The following PDE8B variants were observed in gnomAD, a reference collection of about 807,000 sequenced individuals.
PDE8B encodes high affinity cAMP-specific and IBMX-insensitive 3',5'-cyclic phosphodiesterase 8B.
Under a neutral mutation model 101.3 loss-of-function variants are expected in PDE8B, and 26 were observed. The ratio of observed to expected loss-of-function variants is 0.26; its 90% CI spans 0.19 to 0.36. The LOEUF is 0.36. Ranked by LOEUF, PDE8B falls within the 10% of genes least tolerant of loss-of-function variation. PDE8B has a pLI of 1.00. For missense variants in PDE8B, 810 were observed against 1,163.1 expected (o/e 0.70, Z 4.42); for synonymous variants, 424 against 429.3 (o/e 0.99, Z 0.15).
At chr5:77,399,348 C>T (rs1791746444) in intron 10 of PDE8B, among the ~76,000 whole-genome samples, 1 of 152,216 alleles carries the variant, frequency 6.6e-6, no homozygotes, top group African/African-American at 2.4e-5. Flanking sequence ...CCTCCGCAGA[C>T]AGGGTTTCTG....
At chr5:77,160,357 G>A in the PDE8B span, among the ~76,000 whole-genome samples, 2,601 of 152,210 alleles carry the variant, frequency 0.017, 26 homozygotes, top group Middle Eastern at 0.031. Context: ...TCCCACAGTC[G>A]ACCCTGCAGA....
intron 1 of PDE8B, among the ~76,000 whole-genome samples, chr5:77,248,650 T>TG (rs751667619): frequency 2.0e-5 from 3 of 152,200 alleles, no homozygotes; most frequent in Non-Finnish European, 4.4e-5. Flanking sequence ...GGCTTGTCTC[T>TG]GGGGAAAGAA....
intron 10 of PDE8B, among the ~76,000 whole-genome samples, chr5:77,377,899 G>C (rs550598438): frequency 1.2e-4 from 19 of 152,038 alleles, no homozygotes; most frequent in Non-Finnish European, 2.2e-4. Context: ...TGCCTTCCCT[G>C]GTTCTCAGAC....
At chr5:77,380,302 A>T (rs1561617655) in intron 10 of PDE8B, among the ~76,000 whole-genome samples, 1 of 152,240 alleles carries the variant, frequency 6.6e-6, no homozygotes, top group African/African-American at 2.4e-5. Flanking sequence ...TTTTAAAATA[A>T]CATCTACCAT....
At chr5:77,194,364 G>T in the PDE8B span, among the ~76,000 whole-genome samples, 1 of 152,132 alleles carries the variant, frequency 6.6e-6, no homozygotes, top group Non-Finnish European at 1.5e-5. Flanking sequence ...TACACCTATC[G>T]AAATGATGTT....
At chr5:77,203,012 T>C in the PDE8B span, among the ~76,000 whole-genome samples, 1 of 152,182 alleles carries the variant, frequency 6.6e-6, no homozygotes, top group South Asian at 2.1e-4. Flanking sequence ...AAAGTTACAG[T>C]CTTATTGAAA....
the PDE8B span, among the ~76,000 whole-genome samples, chr5:77,174,532 T>C: frequency 4.8e-3 from 735 of 152,342 alleles, 2 homozygotes; most frequent in Middle Eastern, 0.01. Flanking sequence ...TTATTTATAC[T>C]GTACACATCT....
At chr5:77,378,049 C>CACACA (rs1554093056) in intron 10 of PDE8B, among the ~76,000 whole-genome samples, 8 of 148,360 alleles carry the variant, frequency 5.4e-5, no homozygotes, top group South Asian at 2.2e-4. Context: ...CACACACACA[C>CACACA]CCCCTGTTGG....
chr5:77,364,273 C>A (rs1463612523), intron 10 of PDE8B, among the ~76,000 whole-genome samples: 1 of 152,182 alleles, frequency 6.6e-6, no homozygotes, highest in African/African-American at 2.4e-5. Flanking sequence ...AGGTATGCAG[C>A]CAACTGCACC....
chr5:77,090,232 G>T, the PDE8B span, among the ~76,000 whole-genome samples: 1 of 152,124 alleles, frequency 6.6e-6, no homozygotes, highest in African/African-American at 2.4e-5. Context: ...CCAAAGAGAA[G>T]ATTTTTTTCT....
chr5:77,365,122 TGAG>T (rs1369539775), intron 10 of PDE8B, among the ~76,000 whole-genome samples: 2 of 152,034 alleles, frequency 1.3e-5, no homozygotes, highest in African/African-American at 2.4e-5. Context: ...CTGTGTTCGA[TGAG>T]GAGGAGTGTG....
chr5:77,158,186 T>C, the PDE8B span, among the ~76,000 whole-genome samples: 1 of 152,168 alleles, frequency 6.6e-6, no homozygotes, highest in Non-Finnish European at 1.5e-5. Context: ...GATTGCCTGG[T>C]ACTGGGTGCT....
chr5:77,250,098 A>G (rs1180491430), intron 1 of PDE8B, among the ~76,000 whole-genome samples: 1 of 152,236 alleles, frequency 6.6e-6, no homozygotes, highest in Non-Finnish European at 1.5e-5. Context: ...CTTCTTTCTC[A>G]TCAAACTGGG....
At chr5:77,342,945 A>G (rs1337910821) in intron 6 of PDE8B, among the ~76,000 whole-genome samples, 1 of 152,212 alleles carries the variant, frequency 6.6e-6, no homozygotes, top group African/African-American at 2.4e-5. Flanking sequence ...AATACCTCAC[A>G]TCCAATTTGG....
intron 10 of PDE8B, among the ~76,000 whole-genome samples, chr5:77,379,829 G>A (rs138125845): frequency 3.1e-4 from 47 of 152,276 alleles, no homozygotes; most frequent in African/African-American, 1.0e-3. Flanking sequence ...GATCAAAGAC[G>A]TTCTGTACTA....
At chr5:77,254,865 C>T (rs1030831850) in intron 1 of PDE8B, among the ~76,000 whole-genome samples, 50 of 152,290 alleles carry the variant, frequency 3.3e-4, no homozygotes, top group African/African-American at 1.2e-3. Context: ...TGTGTATGCT[C>T]TCTGTAGCCT....
the PDE8B span, among the ~76,000 whole-genome samples, chr5:77,153,643 C>T: frequency 1.4e-5 from 2 of 147,004 alleles, no homozygotes; most frequent in Admixed American, 6.9e-5. Context: ...GGTATGATCT[C>T]AGCTCACTGC....
intron 10 of PDE8B, among the ~76,000 whole-genome samples, chr5:77,357,504 C>T (rs1446434087): frequency 6.6e-6 from 1 of 152,186 alleles, no homozygotes; most frequent in Non-Finnish European, 1.5e-5. Flanking sequence ...AGCCTGGCTT[C>T]ACCAGCATGT....
intron 7 of PDE8B, among the ~76,000 whole-genome samples, chr5:77,346,455 T>TAGCC (rs1780172050): frequency 6.6e-6 from 1 of 152,246 alleles, no homozygotes; most frequent in African/African-American, 2.4e-5. Flanking sequence ...CCCTGCCCAC[T>TAGCC]AGCCGCCCCT....
Sources: allele counts gnomAD v4.1 joint callset (sites outside exome capture counted in the v4.1 genomes callset), GRCh38; gene constraint gnomAD v4.1.1; transcripts MANE v1.5; gene names NCBI Gene and HGNC (gene_info 2026-07-23, HGNC 2026-07-21).